The following GALNT17 variants were observed in gnomAD, a reference collection of about 807,000 sequenced individuals.
The protein encoded by GALNT17 is UDP-GalNAc:polypeptide N-acetylgalactosaminyltransferase-like 3.
GALNT17 carries 29 observed loss-of-function variants against 63.7 expected under a neutral mutation model. The observed-to-expected ratio is 0.46, with a 90% CI of 0.34 to 0.62. GALNT17 has a LOEUF of 0.62. Ranked by LOEUF, GALNT17 falls within the 20% of genes least tolerant of loss-of-function variation. The probability of loss-of-function intolerance (pLI) is 0.01; values close to 1 mark genes in which losing one functional copy is unlikely to be tolerated. For missense variants in GALNT17, 603 were observed against 799.6 expected, an observed-to-expected ratio of 0.75 and a Z score of 2.97; for synonymous variants, 305 against 318.3, an observed-to-expected ratio of 0.96 and a Z score of 0.45.
chr7:71,217,145 GTTTTT>G (rs1197080765), intron 1 of GALNT17, among the ~76,000 whole-genome samples: 1 of 122,758 alleles, frequency 8.1e-6, no homozygotes, highest in Non-Finnish European at 1.6e-5. Context: ...TTCGTGTTTT[GTTTTT>G]TTTTTTTTTT....
chr7:71,295,585 C>T (rs1365040626), intron 1 of GALNT17, among the ~76,000 whole-genome samples: 1 of 149,176 alleles, frequency 6.7e-6, no homozygotes, highest in Non-Finnish European at 1.5e-5. Flanking sequence ...TCCTACCTTC[C>T]TTCCTACCTT....
chr7:71,584,107 G>T (rs1789680398), intron 6 of GALNT17, among the ~76,000 whole-genome samples: 1 of 152,190 alleles, frequency 6.6e-6, no homozygotes, highest in South Asian at 2.1e-4. Flanking sequence ...ACTCCAGCCT[G>T]GGAGACAGAG....
At chr7:71,208,679 T>G (rs1481965022) in intron 1 of GALNT17, among the ~76,000 whole-genome samples, 1 of 152,108 alleles carries the variant, frequency 6.6e-6, no homozygotes, top group Non-Finnish European at 1.5e-5. Context: ...CTTGATCTCC[T>G]GGACTCAGGC....
At chr7:71,250,319 A>G (rs1348884354) in intron 1 of GALNT17, among the ~76,000 whole-genome samples, 1 of 152,220 alleles carries the variant, frequency 6.6e-6, no homozygotes, top group Non-Finnish European at 1.5e-5. Flanking sequence ...ATAATTTATT[A>G]TTAATTTACA....
intron 5 of GALNT17, among the ~76,000 whole-genome samples, chr7:71,446,629 A>G (rs564147460): frequency 6.6e-6 from 1 of 152,234 alleles, no homozygotes; most frequent in Non-Finnish European, 1.5e-5. Flanking sequence ...GCTCACTGCA[A>G]CCTCTGCCTC....
intron 9 of GALNT17, among the ~76,000 whole-genome samples, chr7:71,697,595 T>C (rs906434372): frequency 2.0e-5 from 3 of 151,986 alleles, no homozygotes; most frequent in African/African-American, 7.3e-5. Context: ...TACCCATCCT[T>C]CTCCTCCCAC....
chr7:71,629,030 A>T (rs1055298356), intron 6 of GALNT17, among the ~76,000 whole-genome samples: 3 of 152,172 alleles, frequency 2.0e-5, no homozygotes, highest in Admixed American at 2.0e-4. Context: ...CCACGCCCCT[A>T]TCTGGGGGCA....
At chr7:71,438,732 A>G (rs1000809248) in intron 5 of GALNT17, among the ~76,000 whole-genome samples, 3 of 152,114 alleles carry the variant, frequency 2.0e-5, no homozygotes, top group Non-Finnish European at 4.4e-5. Context: ...CTATTCTACA[A>G]TGCTCCTCAC....
intron 8 of GALNT17, among the ~76,000 whole-genome samples, chr7:71,674,104 C>G (rs986998991): frequency 6.6e-6 from 1 of 152,136 alleles, no homozygotes; most frequent in African/African-American, 2.4e-5. Flanking sequence ...TACAAACTTT[C>G]TTTTTAAAAT....
At chr7:71,200,083 A>T (rs923104880) in intron 1 of GALNT17, among the ~76,000 whole-genome samples, 1 of 152,196 alleles carries the variant, frequency 6.6e-6, no homozygotes, top group African/African-American at 2.4e-5. Flanking sequence ...AAATGTCTTT[A>T]ACCCAGTAAG....
chr7:71,195,510 G>A (rs1278810750), intron 1 of GALNT17, among the ~76,000 whole-genome samples: 1 of 151,990 alleles, frequency 6.6e-6, no homozygotes, highest in African/African-American at 2.4e-5. Flanking sequence ...GTCTCCTATA[G>A]CTGGGACCAC....
chr7:71,492,545 A>G (rs1010142784), intron 5 of GALNT17, among the ~76,000 whole-genome samples: 6 of 152,182 alleles, frequency 3.9e-5, no homozygotes, highest in Non-Finnish European at 7.3e-5. Flanking sequence ...TCATTCAACC[A>G]TAATCTAACT....
At chr7:71,357,613 A>G (rs1230338485) in intron 2 of GALNT17, among the ~76,000 whole-genome samples, 2 of 152,152 alleles carry the variant, frequency 1.3e-5, no homozygotes, top group Non-Finnish European at 2.9e-5. Flanking sequence ...AGTCATGCAG[A>G]TTTAAAGTCC....
intron 6 of GALNT17, among the ~76,000 whole-genome samples, chr7:71,621,529 G>GGATT (rs1790291343): frequency 9.9e-6 from 1 of 100,946 alleles, no homozygotes; most frequent in Non-Finnish European, 2.1e-5. Flanking sequence ...ATGGATGGAT[G>GGATT]GATGGATTGA....
chr7:71,174,836 CAG>C (rs1554335543), intron 1 of GALNT17, among the ~76,000 whole-genome samples: 1 of 152,156 alleles, frequency 6.6e-6, no homozygotes, highest in Non-Finnish European at 1.5e-5. Flanking sequence ...GTGTAGGTCA[CAG>C]GGGATATGAT....
At chr7:71,599,160 T>TA (rs1372310237) in intron 6 of GALNT17, among the ~76,000 whole-genome samples, 1 of 152,052 alleles carries the variant, frequency 6.6e-6, no homozygotes, top group Admixed American at 6.6e-5. Flanking sequence ...TTGGGAACTT[T>TA]ATCTCAACTT....
chr7:71,305,872 T>C (rs1278787458), intron 1 of GALNT17, among the ~76,000 whole-genome samples: 1 of 152,122 alleles, frequency 6.6e-6, no homozygotes, highest in East Asian at 1.9e-4. Context: ...CCAGGTACCG[T>C]GGAAAGCCAC....
At chr7:71,525,343 C>T (rs1019810353) in intron 5 of GALNT17, among the ~76,000 whole-genome samples, 7 of 151,856 alleles carry the variant, frequency 4.6e-5, no homozygotes, top group South Asian at 2.1e-4. Flanking sequence ...CCACCATGCC[C>T]GGCTAATTTT....
intron 2 of GALNT17, among the ~76,000 whole-genome samples, chr7:71,356,034 G>A (rs969866889): frequency 9.9e-5 from 15 of 152,046 alleles, no homozygotes; most frequent in African/African-American, 3.6e-4. Flanking sequence ...CTGGAGTGCA[G>A]TGGCGCGATC....
Sources: allele counts gnomAD v4.1 joint callset (sites outside exome capture counted in the v4.1 genomes callset), GRCh38; gene constraint gnomAD v4.1.1; transcripts MANE v1.5; gene names NCBI Gene and HGNC (gene_info 2026-07-23, HGNC 2026-07-21).